Variants in COL9A1 observed in about 807,000 individuals in gnomAD.
The protein encoded by COL9A1 is collagen alpha-1(IX) chain.
COL9A1 carries 104 observed loss-of-function variants against 142.6 expected under a neutral mutation model. The ratio of observed to expected loss-of-function variants is 0.73; its 90% CI spans 0.62 to 0.86. COL9A1 has a LOEUF of 0.86. COL9A1 is among the 40% of genes least tolerant of loss of function. The pLI is 0.00. For missense variants in COL9A1, 1,210 were observed against 1,176.6 expected (o/e 1.03, Z -0.42); for synonymous variants, 466 against 396.0 (o/e 1.18, Z -2.10).
In COL9A1 at chr6:70,216,969, G is replaced by T; in HGVS notation, c.2694C>A (p.Pro898=). 1 of 1,614,090 alleles carries T rather than the reference G, an allele frequency of 6.2e-7. No homozygotes were observed. The change falls in exon 38 of 38, where the codon CCC becomes CCA. Residue 898 remains proline (P), a synonymous_variant. Coordinates refer to ENST00000357250, the MANE Select transcript of COL9A1 (RefSeq NM_001851.6). ...VPGPPGPPGL[P]GFCEPASCTM... is the part of the protein sequence containing the mutation. ...TGCAGGAGGCTGGCTCACAGAAACC[G>T]GGAAGCCCAGGAGGTCCCGGGGGTC...
intron 5 of COL9A1, among the ~76,000 whole-genome samples, chr6:70,291,242 T>C (rs1240984611): frequency 6.6e-6 from 1 of 152,134 alleles, no homozygotes; most frequent in Non-Finnish European, 1.5e-5. Flanking sequence ...ATGGGAACAC[T>C]AACAAAGCTT....
At chr6:70,266,010 T>C (rs1385937842) in intron 18 of COL9A1, among the ~76,000 whole-genome samples, 1 of 152,134 alleles carries the variant, frequency 6.6e-6, no homozygotes, top group Non-Finnish European at 1.5e-5. Context: ...CTTTGTAAAA[T>C]ATTATCAAAT....
intron 5 of COL9A1, among the ~76,000 whole-genome samples, chr6:70,289,514 G>A (rs9455024): frequency 0.18 from 26,908 of 152,060 alleles, 3,457 homozygotes; most frequent in East Asian, 0.46. Flanking sequence ...GGTTGTTAAT[G>A]TGGTCTACAA....
intron 28 of COL9A1, among the ~76,000 whole-genome samples, chr6:70,250,876 C>T (rs1384501906): frequency 6.6e-6 from 1 of 152,174 alleles, no homozygotes; most frequent in South Asian, 2.1e-4. Context: ...ATGGTCATTG[C>T]TATGGCTGCT....
chr6:70,300,880 C>A (rs1774037045), intron 2 of COL9A1, among the ~76,000 whole-genome samples: 1 of 152,100 alleles, frequency 6.6e-6, no homozygotes, highest in Non-Finnish European at 1.5e-5. Flanking sequence ...TGGTCCAGTT[C>A]AGTGGGGCTT....
intron 5 of COL9A1, among the ~76,000 whole-genome samples, chr6:70,285,130 T>G (rs140328644): frequency 6.6e-6 from 1 of 152,348 alleles, no homozygotes; most frequent in Admixed American, 6.5e-5. Flanking sequence ...TTAAACTGTT[T>G]TCTCAAATAT....
At chr6:70,280,406 A>G in intron 10 of COL9A1, 1 of 1,182,130 alleles carries the variant, frequency 8.5e-7, no homozygotes, top group African/African-American at 1.6e-5. Context: ...TGAAAGAGCA[A>G]GGGCGAAGGC....
intron 5 of COL9A1, among the ~76,000 whole-genome samples, chr6:70,284,074 C>G (rs1004950295): frequency 6.6e-6 from 1 of 152,122 alleles, no homozygotes; most frequent in African/African-American, 2.4e-5. Context: ...ATACCCCTAG[C>G]CTGGAAACAG....
chr6:70,258,502 T>C (rs941986978), intron 20 of COL9A1: 4 of 152,212 alleles, frequency 2.6e-5, no homozygotes, highest in African/African-American at 9.7e-5. Context: ...CTGAAATTCT[T>C]TGATCCCTAA....
intron 5 of COL9A1, among the ~76,000 whole-genome samples, chr6:70,285,251 G>T (rs954953467): frequency 6.6e-6 from 1 of 152,212 alleles, no homozygotes; most frequent in African/African-American, 2.4e-5. Context: ...AGGCTGGGTT[G>T]TTCAGAGTGC....
chr6:70,250,602 G>C (rs16868822), intron 28 of COL9A1, among the ~76,000 whole-genome samples: 6,933 of 152,236 alleles, frequency 0.046, 328 homozygotes, highest in East Asian at 0.14. Context: ...CATTCTCATG[G>C]CACAAGACAC....
At chr6:70,215,894 T>G (rs1192007471), downstream of COL9A1, 1 of 129,108 alleles carries the variant, frequency 7.7e-6, no homozygotes, top group Non-Finnish European at 1.7e-5. Flanking sequence ...TCCATGAAGC[T>G]CTCTCCATAC....
At chr6:70,215,912 AACACACAC>A (rs10528566), downstream of COL9A1, 6 of 149,196 alleles carry the variant, frequency 4.0e-5, no homozygotes, top group African/African-American at 1.2e-4. Context: ...TACACACTAA[AACACACAC>A]ACACACACAC....
chr6:70,220,453 C>T (rs1324758716), intron 37 of COL9A1, among the ~76,000 whole-genome samples: 1 of 150,544 alleles, frequency 6.6e-6, no homozygotes, highest in Admixed American at 6.6e-5. Context: ...CTGAGTTGAC[C>T]AGGAAGTAGA....
rs1291133273 is a variant in COL9A1 at position 70,260,612 on chromosome 6, T to C, written c.1449+45A>G. On this transcript the variant is annotated intron_variant, in intron 20 of 37. Coordinates refer to ENST00000357250, the MANE Select transcript of COL9A1 (RefSeq NM_001851.6). ...ATGTTTAAACGGCCAAAATTTTAAA[T>C]ATTTAACACATTTTGGTATTATATT... is the stretch of plus-strand genomic sequence containing the variant. 1.4e-5 allele frequency: 21 copies of C among 1,551,456 alleles called. No homozygotes were observed. In the South Asian group the frequency reaches 1.7e-4, roughly 13 times the overall value.
intron 5 of COL9A1, among the ~76,000 whole-genome samples, chr6:70,285,141 G>A (rs966692750): frequency 2.6e-5 from 4 of 152,200 alleles, no homozygotes; most frequent in Non-Finnish European, 5.9e-5. Flanking sequence ...TCTCAAATAT[G>A]TAATTCTCTC....
At chr6:70,254,899 C>T (rs772043899) in intron 24 of COL9A1, 64 bp downstream of exon 24, 104 of 1,439,668 alleles carry the variant, frequency 7.2e-5, no homozygotes, top group Non-Finnish European at 9.9e-5. Flanking sequence ...AATGGAAATG[C>T]CACACTCAGT....
chr6:70,259,697 T>C (rs1158431110), intron 20 of COL9A1, among the ~76,000 whole-genome samples: 1 of 152,136 alleles, frequency 6.6e-6, no homozygotes, highest in Non-Finnish European at 1.5e-5. Flanking sequence ...TACCACTGGC[T>C]CTCAGATTCA....
At chr6:70,236,823 C>CT (rs1238451064) in intron 33 of COL9A1, among the ~76,000 whole-genome samples, 3,733 of 146,196 alleles carry the variant, frequency 0.026, 152 homozygotes, top group African/African-American at 0.088. Context: ...GTAACAACTT[C>CT]TTTTTTTTTT....
Sources: gnomAD v4.1 joint callset for allele counts (sites outside exome capture counted in the v4.1 genomes callset) on GRCh38, gnomAD v4.1.1 for gene constraint, MANE v1.5 for transcripts, NCBI Gene and HGNC (gene_info 2026-07-23, HGNC 2026-07-21) for gene names.